Variants in RNF17 observed in about 807,000 individuals in gnomAD.
The protein encoded by RNF17 is spermatogenesis associated 23.
A neutral mutation model predicts 200.5 loss-of-function variants in RNF17; 31 were observed. The ratio of observed to expected loss-of-function variants is 0.15; its 90% confidence interval spans 0.12 to 0.21. RNF17 has a LOEUF of 0.21. Ranked by LOEUF, RNF17 falls within the 10% of genes least tolerant of loss-of-function variation. RNF17 has a pLI of 1.00. For synonymous variants in RNF17, 606 were observed against 637.8 expected, an observed-to-expected ratio of 0.95 and a Z score of 0.75; for missense variants, 1,628 against 1,905.1, an observed-to-expected ratio of 0.85 and a Z score of 2.71.
intron 22 of RNF17, among the ~76,000 whole-genome samples, chr13:24,848,848 C>A (rs117517529): frequency 5.3e-5 from 8 of 152,080 alleles, no homozygotes; most frequent in African/African-American, 1.9e-4. Flanking sequence ...TATATACCAT[C>A]GTAATAAATA....
rs541042679 is a variant in RNF17, at chr13:24,826,493, G to A, written c.2245+721G>A. 9.2e-5 allele frequency among the ~76,000 whole-genome samples: 14 copies of A among 152,272 alleles called. No homozygotes were observed. In the South Asian group the frequency reaches 2.9e-3, roughly 32 times the overall value. Reference sequence around the variant, plus strand: ...CCTTTTTTAATTGAAAGAGTAAAAAGCCAGTGTGGTGGCTCATGCCTGTAA... The same window carrying A: ...CCTTTTTTAATTGAAAGAGTAAAAAACCAGTGTGGTGGCTCATGCCTGTAA... On this transcript the variant is annotated intron_variant, in intron 16 of 35. Transcript: ENST00000255324.
intron 6 of RNF17, among the ~76,000 whole-genome samples, chr13:24,783,002 GT>G (rs1348844505): frequency 1.3e-5 from 2 of 152,048 alleles, no homozygotes; most frequent in Admixed American, 1.3e-4. Context: ...CCTTTTCCCT[GT>G]GTTTTCTTTT....
In RNF17 at chr13:24,812,168, A is replaced by G. The variant is rs866538445; in HGVS notation, c.2091+7739A>G. ...GTCTCCTTGAGCTGTGGTGGGCTCC[A>G]CCCAGTTCGAGCTTCCTGGCTGCTT... On this transcript the variant is annotated intron_variant, in intron 15 of 35. Transcript: ENST00000255324. 4.1e-5 allele frequency among the ~76,000 whole-genome samples: 6 copies of G among 146,134 alleles called. No individual in the cohort carries two copies. In the South Asian group the frequency reaches 6.7e-4, roughly 16 times the overall value.
At chr13:24,856,039 AG>A (rs1220694309) in intron 25 of RNF17, among the ~76,000 whole-genome samples, 6 of 151,948 alleles carry the variant, frequency 3.9e-5, no homozygotes, top group African/African-American at 1.5e-4. Flanking sequence ...TTGTCTTTTC[AG>A]TGTCTTTTGG....
In RNF17 at chr13:24,874,186, A is replaced by G; in HGVS notation, c.4520A>G (p.Asn1507Ser). The G allele has an allele frequency of 6.2e-7, 1 of 1,611,560 alleles. No homozygotes were observed. The highest frequency in any genetic ancestry group is 8.5e-7 in the Non-Finnish European group (1 of 1,178,716). ...RAKIVAIKEF[N>S]PLSILVQFVD... ...AAGATTGTTGCCATTAAAGAATTTA[A>G]TCCTTTATCTATCTTAGTACAATTT... Residue 1507 changes from asparagine to serine, a missense_variant, in exon 33 of 36, where the codon AAT becomes AGT. Physicochemically the swap from Asn to Ser is conservative, Grantham distance 46 (BLOSUM62 1). Around this residue, in one of 5 missense-constraint regions of RNF17, gnomAD observed 609 missense variants for 681.9 expected, o/e 0.89. Transcript: ENST00000255324.
At chr13:24,882,064 CTATATAGA>C (rs1181118207), downstream of RNF17, among the ~76,000 whole-genome samples, 1 of 26,664 alleles carries the variant, frequency 3.8e-5, no homozygotes, top group African/African-American at 1.2e-4. Flanking sequence ...ATAGATACAT[CTATATAGA>C]TATATAGATA....
chr13:24,778,433 C>T (rs745428351), intron 4 of RNF17, 27 bp downstream of exon 4: 9 of 1,410,624 alleles, frequency 6.4e-6, no homozygotes, highest in African/African-American at 2.8e-5. Context: ...TCATGAAGTA[C>T]GATGAAGGCA....
At chr13:24,873,411 T>G (rs955893399) in intron 32 of RNF17, among the ~76,000 whole-genome samples, 1 of 152,232 alleles carries the variant, frequency 6.6e-6, no homozygotes, top group African/African-American at 2.4e-5. Flanking sequence ...TACATTTTCT[T>G]CTTTGTACTT....
At chr13:24,815,775 A>G (rs1056007078) in intron 15 of RNF17, among the ~76,000 whole-genome samples, 2 of 152,280 alleles carry the variant, frequency 1.3e-5, no homozygotes, top group African/African-American at 4.8e-5. Flanking sequence ...GTTTTTGTCA[A>G]GAAAGGGTGT....
Position 24,817,492 on chromosome 13 carries a change from G to T in RNF17, c.2092-8127G>T, listed in dbSNP as rs550806270. 9.8e-4 allele frequency among the ~76,000 whole-genome samples: 149 copies of T among 152,262 alleles called. 2 individuals carry two copies. Among genetic ancestry groups the T allele is most frequent in the Admixed American group, 3.0e-3 (46 of 15,300 alleles). On this transcript the variant is annotated intron_variant, in intron 15 of 35. Transcript: ENST00000255324. ...TCAGTACTTTGGAAGGCCGAGCCAGGTGGATCACTTGAGGTCAGGAGTTTG... is the reference window on the plus strand; with the variant it reads ...TCAGTACTTTGGAAGGCCGAGCCAGTTGGATCACTTGAGGTCAGGAGTTTG...
Position 24,780,842 on chromosome 13 carries a change from A to G in RNF17, c.511-1002A>G, listed in dbSNP as rs146693546. Among the ~76,000 whole-genome samples the G allele has an allele frequency of 1.2e-3, 183 of 152,222 alleles. 3 individuals carry two copies. The East Asian group carries it at 0.03, about 25-fold the overall frequency. On this transcript the variant is annotated intron_variant, in intron 5 of 35. Transcript: ENST00000255324. ...GGTTGCAGTGAGCCAAGATCGTGCC[A>G]CTGTACTTCAGCCTGGTTGATGGAG... is the stretch of plus-strand genomic sequence containing the variant.
At chr13:24,748,969 G>C in the RNF17 span, among the ~76,000 whole-genome samples, 2 of 152,110 alleles carry the variant, frequency 1.3e-5, 1 homozygote, top group African/African-American at 4.8e-5. Flanking sequence ...GGCCAGCCTG[G>C]TGGTGAACTC....
intron 32 of RNF17, among the ~76,000 whole-genome samples, chr13:24,871,958 CTTTTTTTTTTTT>C (rs60797153): frequency 8.4e-5 from 6 of 71,732 alleles, no homozygotes; most frequent in South Asian, 7.7e-4. Context: ...TTATTGATGA[CTTTTTTTTTTTT>C]TTTTTTTTTT....
intron 16 of RNF17, among the ~76,000 whole-genome samples, chr13:24,827,216 A>G (rs1888772416): frequency 1.3e-5 from 2 of 152,098 alleles, no homozygotes; most frequent in African/African-American, 4.8e-5. Flanking sequence ...TACAGGCATG[A>G]GCCACTGTGC....
chr13:24,883,820 A>C, downstream of RNF17: 1 of 876,108 alleles, frequency 1.1e-6, no homozygotes, highest in Non-Finnish European at 1.9e-6. Context: ...GTTGACTGAC[A>C]TGCCTGTGGG....
chr13:24,862,924 A>C (rs955569463), intron 28 of RNF17, 131 bp downstream of exon 28: 4 of 481,896 alleles, frequency 8.3e-6, no homozygotes, highest in Admixed American at 3.3e-5. Context: ...TTAGCATAAA[A>C]GAAACTACCA....
chr13:24,861,354 T>G lies in RNF17; in HGVS notation c.3861T>G (p.Phe1287Leu), dbSNP rs773958065. The G allele has an allele frequency of 1.3e-6, 2 of 1,576,750 alleles. No homozygotes were observed. The highest frequency in any genetic ancestry group is 2.8e-5 in the African/African-American group (2 of 72,458). ...PILLYPDIPQ[F>L]CIPCQLHNTT... The stretch of plus-strand genomic sequence containing the variant: ...TGCTGTATCCTGATATACCCCAGTT[T>G]TGTATTCCTTGTCAGCTCCATAATA... Residue 1287 changes from phenylalanine (F) to leucine (L), a missense_variant, in exon 27 of 36, where the codon TTT (phenylalanine) becomes TTG (leucine). By Grantham distance (22) the Phe-to-Leu change is conservative. Coordinates refer to ENST00000255324, the MANE Select transcript of RNF17 (RefSeq NM_031277.3).
chr13:24,756,122 T>G, the RNF17 span, among the ~76,000 whole-genome samples: 2 of 152,348 alleles, frequency 1.3e-5, no homozygotes, highest in East Asian at 3.9e-4. Flanking sequence ...ATTTCCTGAA[T>G]GTACCCATTT....
chr13:24,840,020 T>G (rs771290185), intron 18 of RNF17, among the ~76,000 whole-genome samples: 21 of 151,316 alleles, frequency 1.4e-4, no homozygotes, highest in African/African-American at 2.4e-5. Context: ...TACAATGACC[T>G]CAAACAAATC....
Sources: gnomAD v4.1 joint callset for allele counts (sites outside exome capture counted in the v4.1 genomes callset) on GRCh38, gnomAD v4.1.1 for gene constraint, gnomAD v4.1.1 regional missense constraint, MANE v1.5 for transcripts, NCBI Gene and HGNC (gene_info 2026-07-23, HGNC 2026-07-21) for gene names.